OLFM4: variants seen among roughly 807,000 people sequenced by gnomAD.
OLFM4 encodes the protein olfactomedin 4.
Under a neutral mutation model 25.5 loss-of-function variants are expected in OLFM4, and 22 were observed. That is an observed-to-expected ratio of 0.86 (90% CI 0.62 to 1.23). The LOEUF is 1.23. OLFM4 is among the 50% of genes most tolerant of loss of function. The pLI, the probability that OLFM4 is intolerant of heterozygous loss-of-function variation, is 0.00. For missense variants in OLFM4, 594 were observed against 619.4 expected (o/e 0.96, Z 0.44); for synonymous variants, 255 against 237.7 (o/e 1.07, Z -0.67).
Position 53,049,383 on chromosome 13 carries a change from C to T in OLFM4, c.731-586C>T, listed in dbSNP as rs542844978. Reference sequence around the variant, plus strand: ...TTAAAACATCCTCTTCTGAGAATAGCTTAAAGCAGGATTGGTACCTGGCGT... The same window carrying T: ...TTAAAACATCCTCTTCTGAGAATAGTTTAAAGCAGGATTGGTACCTGGCGT... On this transcript the variant is annotated intron_variant, in intron 4 of 4. Coordinates refer to ENST00000219022, the MANE Select transcript of OLFM4 (RefSeq NM_006418.5). Among the ~76,000 whole-genome samples, 128 of 152,218 alleles carry T rather than the reference C, an allele frequency of 8.4e-4. 2 individuals are homozygous for T. Among genetic ancestry groups the T allele is most frequent in the African/African-American group, 3.0e-3 (126 of 41,532 alleles).
chr13:53,051,838 G>C lies in OLFM4; in HGVS notation c.*1067G>C, dbSNP rs954032596. 3.3e-5 allele frequency: 5 copies of C among 151,982 alleles called. No homozygotes were observed. The highest frequency in any genetic ancestry group is 1.2e-4 in the African/African-American group (5 of 41,378). 9.4% of individuals were successfully genotyped at this position (151,982 alleles called of 1,614,324 possible). On this transcript the variant is annotated 3_prime_UTR_variant, in exon 5 of 5. Transcript: ENST00000219022. Reference sequence around the variant, plus strand: ...AATGAAAATTTAATTTTTTTTTCTAGGACGAGCTATAGAAAAGCTATTGAG... The same window carrying C: ...AATGAAAATTTAATTTTTTTTTCTACGACGAGCTATAGAAAAGCTATTGAG...
rs758797297 is a variant in OLFM4 at position 53,050,633 on chromosome 13, C to A, written c.1395C>A (p.Gly465=). The A allele has an allele frequency of 4.3e-6, 7 of 1,613,810 alleles. No homozygotes were observed. The South Asian group carries it at 6.6e-5, about 15-fold the overall frequency. ...YYYDTNTGKE[G]KLDIVMHKMQ... Reference sequence around the variant, plus strand: ...ATGACACAAACACAGGGAAAGAGGGCAAACTAGACATTGTAATGCATAAGA... The same window carrying A: ...ATGACACAAACACAGGGAAAGAGGGAAAACTAGACATTGTAATGCATAAGA... The change falls in exon 5 of 5, where the codon GGC becomes GGA. Residue 465 remains glycine, a synonymous_variant. Coordinates refer to ENST00000219022, the MANE Select transcript of OLFM4 (RefSeq NM_006418.5).
intron 2 of OLFM4, among the ~76,000 whole-genome samples, chr13:53,040,766 A>G (rs1386797969): frequency 6.6e-6 from 1 of 152,222 alleles, no homozygotes; most frequent in Non-Finnish European, 1.5e-5. Context: ...AGAAACAATT[A>G]GAGTAAGTGT....
intron 4 of OLFM4, among the ~76,000 whole-genome samples, chr13:53,048,210 T>A (rs1414588201): frequency 6.6e-6 from 1 of 152,220 alleles, no homozygotes; most frequent in Non-Finnish European, 1.5e-5. Flanking sequence ...AATAATAATT[T>A]ATAATTTTAT....
At chr13:53,040,744 G>A (rs1454448720) in intron 2 of OLFM4, among the ~76,000 whole-genome samples, 3 of 152,202 alleles carry the variant, frequency 2.0e-5, no homozygotes, top group Non-Finnish European at 4.4e-5. Context: ...AATGCTAACA[G>A]TGCTGAGGTT....
rs148871137 is a variant in OLFM4, at chr13:53,043,920, T to C, written c.730+656T>C. The stretch of plus-strand genomic sequence containing the variant: ...TTAATGAATTCTCATTGGGGTTAAG[T>C]ACAGCACAGAGGTGGGTGTTCTGCA... On this transcript the variant is annotated intron_variant, in intron 4 of 4. Coordinates refer to ENST00000219022, the MANE Select transcript of OLFM4 (RefSeq NM_006418.5). Among the ~76,000 whole-genome samples the C allele has an allele frequency of 7.3e-3, 1,114 of 152,280 alleles. 12 individuals carry two copies. The highest frequency in any genetic ancestry group is 0.022 in the African/African-American group (935 of 41,560).
chr13:53,046,356 C>G (rs1014688240), intron 4 of OLFM4, among the ~76,000 whole-genome samples: 2 of 152,142 alleles, frequency 1.3e-5, no homozygotes, highest in Non-Finnish European at 2.9e-5. Flanking sequence ...TTATGGCTTC[C>G]TCAGGTATTT....
Position 53,041,956 on chromosome 13 carries a change from T to G in OLFM4, c.404T>G (p.Leu135Ter). Residue 135 changes from leucine to a stop codon, truncating the protein, a stop_gained, in exon 3 of 5, where the codon TTA becomes TGA. Transcript: ENST00000219022. LOFTEE classifies it high-confidence loss of function. ...ATTAGTGTGTATGAAAAGAAACTGT[T>G]AAACCTAACTGTCCGAATTGACATC... ...QLISVYEKKL[L>*]NLTVRIDIME... The G allele has an allele frequency of 6.2e-7, 1 of 1,613,950 alleles. No individual in the cohort carries two copies. Among genetic ancestry groups the G allele is most frequent in the Non-Finnish European group, 8.5e-7 (1 of 1,179,866 alleles).
rs1954746259 is a variant in OLFM4 at position 53,051,118 on chromosome 13, T to G, written c.*347T>G. On this transcript the variant is annotated 3_prime_UTR_variant, in exon 5 of 5. Coordinates refer to ENST00000219022, the MANE Select transcript of OLFM4 (RefSeq NM_006418.5). ...AACTCAGTATGGCGTCTAGGGATTC[T>G]TTGTACAGGAAATATTGCCCAATGA... The G allele has an allele frequency of 5.2e-6, 1 of 191,316 alleles. No individual in the cohort carries two copies. Among genetic ancestry groups the G allele is most frequent in the Non-Finnish European group, 1.1e-5 (1 of 94,496 alleles). The allele number at this position is 191,316 out of a possible 1,614,324, so 11.9% of individuals were successfully genotyped here. A position where few individuals can be genotyped will look rare whatever the true frequency, so the allele number is the denominator to read the frequency against.
At chr13:53,030,674 T>A (rs2138229582) in intron 1 of OLFM4, among the ~76,000 whole-genome samples, 1 of 152,348 alleles carries the variant, frequency 6.6e-6, no homozygotes, top group East Asian at 1.9e-4. Flanking sequence ...AACTAAGGCT[T>A]ATCAAGGTGA....
intron 2 of OLFM4, among the ~76,000 whole-genome samples, chr13:53,035,974 C>A (rs1265692894): frequency 1.3e-5 from 2 of 152,318 alleles, no homozygotes; most frequent in African/African-American, 4.8e-5. Context: ...TTTAATACAA[C>A]TCCATTAATT....
intron 1 of OLFM4, among the ~76,000 whole-genome samples, chr13:53,031,012 G>A (rs977857369): frequency 2.6e-5 from 4 of 151,936 alleles, no homozygotes; most frequent in African/African-American, 4.8e-5. Context: ...CCAGCATTTG[G>A]GTAAGATTAT....
chr13:53,041,803 A>T (rs1954688051), intron 2 of OLFM4, 107 bp from the exon 3 acceptor site: 1 of 705,792 alleles, frequency 1.4e-6, no homozygotes, highest in South Asian at 1.9e-5. Context: ...TACAAAACAC[A>T]ATGATTGGCA....
intron 4 of OLFM4, among the ~76,000 whole-genome samples, chr13:53,043,614 TG>T (rs1954700350): frequency 6.6e-6 from 1 of 152,194 alleles, no homozygotes; most frequent in South Asian, 2.1e-4. Flanking sequence ...CTGGAATCTG[TG>T]TGTGGCATCC....
intron 2 of OLFM4, among the ~76,000 whole-genome samples, chr13:53,038,413 G>A (rs1044625689): frequency 3.9e-5 from 6 of 152,150 alleles, no homozygotes; most frequent in African/African-American, 1.4e-4. Flanking sequence ...AGAGGGTGTA[G>A]CCAACTACAC....
chr13:53,034,056 CA>C (rs397851637), intron 1 of OLFM4, among the ~76,000 whole-genome samples: 614 of 41,046 alleles, frequency 0.015, 4 homozygotes, highest in African/African-American at 0.032. Flanking sequence ...GACTCCGTCT[CA>C]AAAAAAAAAA....
chr13:53,036,063 A>G (rs1954656627), intron 2 of OLFM4, among the ~76,000 whole-genome samples: 1 of 152,216 alleles, frequency 6.6e-6, no homozygotes, highest in Non-Finnish European at 1.5e-5. Flanking sequence ...TCAACATCCA[A>G]CATAGTTATC....
rs749712648 is a variant in OLFM4, at chr13:53,050,352, C to G, written c.1114C>G (p.Arg372Gly). The G allele has an allele frequency of 1.2e-6, 2 of 1,614,044 alleles. No individual in the cohort carries two copies. Among genetic ancestry groups the G allele is most frequent in the Admixed American group, 1.7e-5 (1 of 59,998 alleles). ...TCTCCCTAATGCTGCCTATAATAAC[C>G]GCTTTTCATATGCTAATGTTGCTTG... The part of the protein sequence containing the change: ...QTLPNAAYNN[R>G]FSYANVAWQD... Residue 372 changes from arginine to glycine, a missense_variant, in exon 5 of 5, where the codon CGC (arginine) becomes GGC (glycine). By Grantham distance (125) the Arg-to-Gly change is moderately radical. Coordinates refer to ENST00000219022, the MANE Select transcript of OLFM4 (RefSeq NM_006418.5).
At chr13:53,040,783 G>A (rs991827680) in intron 2 of OLFM4, among the ~76,000 whole-genome samples, 1 of 152,210 alleles carries the variant, frequency 6.6e-6, no homozygotes, top group African/African-American at 2.4e-5. Context: ...GTGTGTTGAA[G>A]GGAGGAGAGA....
Sources: allele counts gnomAD v4.1 joint callset (sites outside exome capture counted in the v4.1 genomes callset), GRCh38; gene constraint gnomAD v4.1.1; transcripts MANE v1.5; gene names NCBI Gene and HGNC (gene_info 2026-07-23, HGNC 2026-07-21).